CCSER1: variants seen among roughly 807,000 people sequenced by gnomAD.
The protein encoded by CCSER1 is coiled-coil serine rich protein 1, also known as serine-rich coiled-coil domain-containing protein 1.
CCSER1 carries 41 observed loss-of-function variants against 82.0 expected under a neutral mutation model. The ratio of observed to expected loss-of-function variants is 0.50; its 90% CI spans 0.39 to 0.65. The LOEUF is 0.65. Ranked by LOEUF, CCSER1 falls within the 30% of genes least tolerant of loss-of-function variation. The pLI, the probability that CCSER1 is intolerant of heterozygous loss-of-function variation, is 0.00. For missense variants in CCSER1, 1,119 were observed against 1,064.2 expected (o/e 1.05, Z -0.72); for synonymous variants, 414 against 383.9 (o/e 1.08, Z -0.92).
chr4:91,462,710 T>C (rs548125884), intron 10 of CCSER1, among the ~76,000 whole-genome samples: 2 of 152,296 alleles, frequency 1.3e-5, no homozygotes, highest in South Asian at 4.1e-4. Context: ...CAGGAGATTA[T>C]ATCTTGTGCC....
chr4:91,279,062 T>G (rs72877062), intron 10 of CCSER1, among the ~76,000 whole-genome samples: 7 of 151,976 alleles, frequency 4.6e-5, no homozygotes, highest in African/African-American at 1.7e-4. Flanking sequence ...AGGTTTATTT[T>G]TTTTTTTTTC....
rs191375144 is a variant in CCSER1 at position 91,215,650 on chromosome 4, C to T, written c.2217+129656C>T. 1.1e-4 allele frequency among the ~76,000 whole-genome samples: 16 copies of T among 152,238 alleles called. No individual in the cohort carries two copies. The South Asian group carries it at 1.7e-3, about 16-fold the overall frequency. ...GCTGGCAGCTGATTAGATGGTGCCA[C>T]GCAGATTTGAGGGTGGGTCTGCCTT... On this transcript the variant is annotated intron_variant, in intron 10 of 10. Coordinates refer to ENST00000509176, the MANE Select transcript of CCSER1 (RefSeq NM_001145065.2).
chr4:91,086,258 G>A (rs145584397), intron 10 of CCSER1, among the ~76,000 whole-genome samples: 85 of 152,068 alleles, frequency 5.6e-4, no homozygotes, highest in Non-Finnish European at 1.1e-3. Flanking sequence ...TGTTATAATG[G>A]ATTTCTGTAG....
chr4:91,393,606 TA>T (rs762426649), intron 10 of CCSER1, among the ~76,000 whole-genome samples: 7 of 152,130 alleles, frequency 4.6e-5, no homozygotes, highest in Non-Finnish European at 7.4e-5. Context: ...TTTGTGTTGG[TA>T]AAATTTTGAG....
At chr4:90,695,354 A>G (rs974051885) in intron 6 of CCSER1, among the ~76,000 whole-genome samples, 3 of 151,972 alleles carry the variant, frequency 2.0e-5, no homozygotes, top group Admixed American at 2.0e-4. Context: ...AAACTAAATC[A>G]TTGACCTGTA....
At chr4:91,511,451 G>A (rs912910553) in intron 10 of CCSER1, among the ~76,000 whole-genome samples, 2 of 152,104 alleles carry the variant, frequency 1.3e-5, no homozygotes, top group Non-Finnish European at 2.9e-5. Flanking sequence ...CCAGGCCATA[G>A]TAATGCAATA....
chr4:91,163,362 A>G (rs1213758135), intron 10 of CCSER1, among the ~76,000 whole-genome samples: 2 of 152,116 alleles, frequency 1.3e-5, no homozygotes, highest in South Asian at 2.1e-4. Context: ...TATGTGGTCA[A>G]TTTTGGAATA....
chr4:90,130,937 T>G (rs1339514064), intron 1 of CCSER1, among the ~76,000 whole-genome samples: 2 of 152,098 alleles, frequency 1.3e-5, no homozygotes, highest in Non-Finnish European at 2.9e-5. Flanking sequence ...ATTCTTGAAT[T>G]TAATTGTTAA....
intron 7 of CCSER1, among the ~76,000 whole-genome samples, chr4:90,762,559 C>G (rs1750570758): frequency 6.6e-6 from 1 of 152,084 alleles, no homozygotes; most frequent in African/African-American, 2.4e-5. Context: ...CAAAACAGTT[C>G]TCTACAGCGT....
Position 91,052,968 on chromosome 4 carries a change from A to G in CCSER1, c.2173-32982A>G, listed in dbSNP as rs577175360. Reference sequence around the variant, plus strand: ...AGTGTAGTAAATTGGTGGTTGAGCTATGTAGGTGTTCTCCTCTGGTAAGGT... The same window carrying G: ...AGTGTAGTAAATTGGTGGTTGAGCTGTGTAGGTGTTCTCCTCTGGTAAGGT... On this transcript the variant is annotated intron_variant, in intron 9 of 10. Transcript: ENST00000509176. Among the ~76,000 whole-genome samples the G allele has an allele frequency of 3.2e-4, 48 of 152,172 alleles. 1 individual carries two copies. In the South Asian group the frequency reaches 9.5e-3, roughly 30 times the overall value.
chr4:90,652,327 G>A (rs1235779054), intron 6 of CCSER1, among the ~76,000 whole-genome samples: 1 of 152,146 alleles, frequency 6.6e-6, no homozygotes, highest in African/African-American at 2.4e-5. Flanking sequence ...CCTAGTTTTT[G>A]TGATGTCTTT....
intron 1 of CCSER1, among the ~76,000 whole-genome samples, chr4:90,290,755 G>A (rs1451065433): frequency 4.0e-5 from 6 of 151,730 alleles, no homozygotes; most frequent in African/African-American, 1.5e-4. Context: ...AACTTTTCTT[G>A]ATTACCTAAC....
At chr4:90,157,548 T>C (rs1049149119) in intron 1 of CCSER1, among the ~76,000 whole-genome samples, 1 of 152,218 alleles carries the variant, frequency 6.6e-6, no homozygotes, top group Non-Finnish European at 1.5e-5. Flanking sequence ...CATAGTCCCA[T>C]ATTTCTTGGA....
At chr4:90,730,236 G>A (rs1353489816) in intron 7 of CCSER1, among the ~76,000 whole-genome samples, 2 of 152,184 alleles carry the variant, frequency 1.3e-5, no homozygotes, top group East Asian at 1.9e-4. Flanking sequence ...AACATCATCT[G>A]TTGTGTATCC....
intron 6 of CCSER1, among the ~76,000 whole-genome samples, chr4:90,707,530 A>T (rs1035381255): frequency 1.6e-5 from 1 of 62,004 alleles, no homozygotes; most frequent in African/African-American, 6.2e-5. Context: ...TTTCTACCTT[A>T]AAAAAAAAAT....
intron 5 of CCSER1, among the ~76,000 whole-genome samples, chr4:90,581,518 G>T (rs1256387847): frequency 6.6e-6 from 1 of 152,062 alleles, no homozygotes; most frequent in Admixed American, 6.6e-5. Flanking sequence ...GTGTGTTTGT[G>T]TGTGTATCTG....
intron 10 of CCSER1, among the ~76,000 whole-genome samples, chr4:91,153,772 C>A (rs537296394): frequency 2.0e-5 from 3 of 152,062 alleles, no homozygotes; most frequent in Admixed American, 2.0e-4. Context: ...TGCTGGAGGT[C>A]CACTCCAGAC....
chr4:90,579,243 C>G (rs1174568166), intron 5 of CCSER1, among the ~76,000 whole-genome samples: 1 of 152,036 alleles, frequency 6.6e-6, no homozygotes, highest in Non-Finnish European at 1.5e-5. Context: ...TTTTCAAGGG[C>G]TTTGTTTGAT....
chr4:90,538,195 G>A (rs533369197), intron 5 of CCSER1, among the ~76,000 whole-genome samples: 1 of 152,166 alleles, frequency 6.6e-6, no homozygotes, highest in Non-Finnish European at 1.5e-5. Context: ...TTGCCTGTGA[G>A]TAGGGATGGG....
Sources: gnomAD v4.1 joint callset for allele counts (sites outside exome capture counted in the v4.1 genomes callset) on GRCh38, gnomAD v4.1.1 for gene constraint, MANE v1.5 for transcripts, NCBI Gene and HGNC (gene_info 2026-07-23, HGNC 2026-07-21) for gene names.